Variants in HDAC8 observed in about 807,000 individuals in gnomAD.
HDAC8 encodes histone deacetylase 8.
HDAC8 carries 1 observed loss-of-function variant against 32.2 expected under a neutral mutation model. That is an observed-to-expected ratio of 0.03 (90% CI 0.01 to 0.15). The LOEUF is 0.15. HDAC8 is among the 10% of genes least tolerant of loss of function. HDAC8 has a pLI of 1.00. For missense variants in HDAC8, 117 were observed against 300.0 expected, an observed-to-expected ratio of 0.39 and a Z score of 4.51; for synonymous variants, 108 against 113.9, an observed-to-expected ratio of 0.95 and a Z score of 0.33.
rs143464728 is a variant in HDAC8 at position 72,453,644 on chromosome X, G to T, written c.1005+8360C>A. Among the ~76,000 whole-genome samples, 1,076 of 111,762 alleles carry T rather than the reference G, an allele frequency of 9.6e-3. 16 individuals are homozygous for T. Among genetic ancestry groups the T allele is most frequent in the African/African-American group, 0.033 (1,025 of 30,764 alleles). On this transcript the variant is annotated intron_variant, in intron 9 of 10. Coordinates refer to ENST00000373573, the MANE Select transcript of HDAC8 (RefSeq NM_018486.3). ...AAGAAAGAAGTAACAGAAAAAAATA[G>T]TGGTTGAAATATTTCCAAATTTGAT...
At chrX:72,494,194 A>T (rs2048954332) in intron 5 of HDAC8, among the ~76,000 whole-genome samples, 1 of 111,203 alleles carries the variant, frequency 9.0e-6, no homozygotes, top group Non-Finnish European at 1.9e-5. Flanking sequence ...TCTCTCTGTT[A>T]CCTTTAATTT....
intron 4 of HDAC8, among the ~76,000 whole-genome samples, chrX:72,554,819 A>T (rs2051226885): frequency 9.0e-6 from 1 of 111,616 alleles, no homozygotes. Context: ...CAAAGGTCAT[A>T]ATCTCTTGGG....
rs141586167 is a variant in HDAC8 at position 72,361,292 on chromosome X, T to C, written c.1006-9454A>G. 1.5e-4 allele frequency among the ~76,000 whole-genome samples: 17 copies of C among 111,889 alleles called. No homozygotes were observed. In the East Asian group the frequency reaches 4.5e-3, roughly 29 times the overall value. ...CATGGAAATGGTTTTATTTTTCAGA[T>C]ATTTTAATGGTTTTACCTATTGGTA... On this transcript the variant is annotated intron_variant, in intron 9 of 10. Coordinates refer to ENST00000373573, the MANE Select transcript of HDAC8 (RefSeq NM_018486.3).
At chrX:72,477,227 T>G (rs1306928961) in intron 7 of HDAC8, among the ~76,000 whole-genome samples, 1 of 111,744 alleles carries the variant, frequency 8.9e-6, no homozygotes, top group Non-Finnish European at 1.9e-5. Flanking sequence ...AACATTTACG[T>G]GTATATTTAC....
intron 4 of HDAC8, among the ~76,000 whole-genome samples, chrX:72,525,850 G>A (rs891137951): frequency 2.8e-5 from 2 of 71,231 alleles, no homozygotes; most frequent in Admixed American, 1.7e-4. Flanking sequence ...AAAAAATCCC[G>A]GTCCTCATGG....
chrX:72,536,146 G>C (rs989838150), intron 4 of HDAC8, among the ~76,000 whole-genome samples: 7 of 112,128 alleles, frequency 6.2e-5, no homozygotes, highest in Non-Finnish European at 1.1e-4. Context: ...TCATGTAGCT[G>C]TCAAATGCAG....
intron 4 of HDAC8, among the ~76,000 whole-genome samples, chrX:72,553,296 G>A (rs906316770): frequency 1.9e-4 from 21 of 111,282 alleles, no homozygotes; most frequent in African/African-American, 6.2e-4. Context: ...CGCCTGCCTC[G>A]GTCTCCCAAA....
chrX:72,343,228 A>AG (rs1426780127), intron 10 of HDAC8, among the ~76,000 whole-genome samples: 1 of 107,427 alleles, frequency 9.3e-6, no homozygotes, highest in Non-Finnish European at 1.9e-5. Flanking sequence ...GGAGTGCAGT[A>AG]GTGCAATCAT....
chrX:72,494,214 G>A (rs1418660094), intron 5 of HDAC8, among the ~76,000 whole-genome samples: 1 of 111,198 alleles, frequency 9.0e-6, no homozygotes, highest in Admixed American at 9.6e-5. Context: ...TTCTGTCATC[G>A]TTCCATGGTA....
At chrX:72,391,715 C>T (rs1043952572) in intron 9 of HDAC8, among the ~76,000 whole-genome samples, 3 of 111,580 alleles carry the variant, frequency 2.7e-5, no homozygotes, top group African/African-American at 9.7e-5. Flanking sequence ...GCTTGGAATT[C>T]TCTTCCCCCT....
intron 2 of HDAC8, 130 bp from the exon 3 acceptor site, chrX:72,569,014 T>A (rs1275993945): frequency 3.1e-6 from 2 of 654,686 alleles, no homozygotes; most frequent in Admixed American, 7.4e-5. Context: ...GCTGGAGTAA[T>A]AAACATATTC....
intron 3 of HDAC8, 52 bp downstream of exon 3, chrX:72,568,702 A>G: frequency 1.7e-6 from 2 of 1,170,563 alleles, no homozygotes; most frequent in Non-Finnish European, 2.3e-6. Context: ...CATACAAGTT[A>G]TAAAAAAAAT....
intron 4 of HDAC8, among the ~76,000 whole-genome samples, chrX:72,560,123 G>A (rs2051488099): frequency 8.9e-6 from 1 of 112,639 alleles, no homozygotes; most frequent in Non-Finnish European, 1.9e-5. Context: ...GACTAGAAAA[G>A]GGGGAAATGT....
intron 9 of HDAC8, among the ~76,000 whole-genome samples, chrX:72,432,292 C>T (rs1482723390): frequency 9.0e-6 from 1 of 110,831 alleles, no homozygotes; most frequent in Non-Finnish European, 1.9e-5. Context: ...TTTTAAAACA[C>T]ACATCACATC....
intron 9 of HDAC8, among the ~76,000 whole-genome samples, chrX:72,376,026 C>A (rs1313060699): frequency 2.7e-5 from 3 of 111,246 alleles, no homozygotes; most frequent in Admixed American, 9.5e-5. Context: ...ATTTTCATTA[C>A]ATCTAGGTTA....
intron 4 of HDAC8, among the ~76,000 whole-genome samples, chrX:72,553,250 T>C (rs1488547076): frequency 9.0e-6 from 1 of 111,347 alleles, no homozygotes; most frequent in Admixed American, 9.5e-5. Flanking sequence ...TTCACCATGT[T>C]GGCCAGGACA....
At chrX:72,345,380 G>A (rs901175212) in intron 10 of HDAC8, among the ~76,000 whole-genome samples, 1 of 111,171 alleles carries the variant, frequency 9.0e-6, no homozygotes, top group Non-Finnish European at 1.9e-5. Flanking sequence ...CCAGGTCTGG[G>A]TTCAAATCTT....
intron 4 of HDAC8, among the ~76,000 whole-genome samples, chrX:72,511,998 A>G (rs1556022175): frequency 1.8e-5 from 2 of 111,941 alleles, no homozygotes; most frequent in Non-Finnish European, 3.8e-5. Flanking sequence ...TCTACTCAAT[A>G]TCTTTCATCT....
intron 10 of HDAC8, among the ~76,000 whole-genome samples, chrX:72,338,967 T>C (rs1330099492): frequency 9.1e-6 from 1 of 110,454 alleles, no homozygotes; most frequent in Non-Finnish European, 1.9e-5. Context: ...GCAGCAATAA[T>C]AATAATAATA....
Sources: allele counts gnomAD v4.1 joint callset (sites outside exome capture counted in the v4.1 genomes callset), GRCh38; gene constraint gnomAD v4.1.1; transcripts MANE v1.5; gene names NCBI Gene and HGNC (gene_info 2026-07-23, HGNC 2026-07-21).